RYR3: variants seen among roughly 807,000 people sequenced by gnomAD.
RYR3 encodes brain ryanodine receptor-calcium release channel.
In RYR3, 207 loss-of-function variants were observed where a neutral mutation model predicts 584.3. That is an observed-to-expected ratio of 0.35 (90% CI 0.32 to 0.40). The LOEUF (loss-of-function observed/expected upper bound fraction) is 0.40. Among genes scored for constraint, RYR3 ranks in the 10% least tolerant of loss-of-function variants. The pLI, the probability that RYR3 is intolerant of heterozygous loss-of-function variation, is 1.00. For synonymous variants in RYR3, 2,416 were observed against 2,248.5 expected (o/e 1.07, Z -2.11); for missense variants, 5,616 against 6,089.2 (o/e 0.92, Z 2.59).
chr15:33,428,676 A>C (rs746972202), intron 1 of RYR3, among the ~76,000 whole-genome samples: 1 of 152,100 alleles, frequency 6.6e-6, no homozygotes, highest in African/African-American at 2.4e-5. Flanking sequence ...AGATTACTTG[A>C]TTCCTTATTT....
chr15:33,677,244 G>A (rs982126359), intron 38 of RYR3, among the ~76,000 whole-genome samples: 1 of 152,212 alleles, frequency 6.6e-6, no homozygotes, highest in Non-Finnish European at 1.5e-5. Flanking sequence ...GAGGGGGATA[G>A]GGAAGCATGG....
intron 59 of RYR3, 86 bp downstream of exon 59, chr15:33,756,459 A>G (rs1005124001): frequency 2.1e-6 from 2 of 954,482 alleles, no homozygotes; most frequent in East Asian, 2.6e-5. Flanking sequence ...CAGTGAAGAT[A>G]TCTAAAACTC....
At chr15:33,592,110 G>A (rs1222717499) in intron 16 of RYR3, among the ~76,000 whole-genome samples, 3 of 152,156 alleles carry the variant, frequency 2.0e-5, no homozygotes, top group Non-Finnish European at 4.4e-5. Context: ...CCCACAAATG[G>A]GCCATTGATT....
At chr15:33,819,216 C>G (rs753933664) in intron 76 of RYR3, among the ~76,000 whole-genome samples, 3 of 152,240 alleles carry the variant, frequency 2.0e-5, no homozygotes, top group Non-Finnish European at 4.4e-5. Flanking sequence ...CAGCCTAAAA[C>G]TATAAACTTC....
At chr15:33,488,999 A>G (rs2050737530) in intron 2 of RYR3, among the ~76,000 whole-genome samples, 1 of 152,190 alleles carries the variant, frequency 6.6e-6, no homozygotes, top group Non-Finnish European at 1.5e-5. Context: ...CATGCTCATA[A>G]TTCACAAATC....
chr15:33,833,605 C>T (rs1253841644), intron 86 of RYR3, among the ~76,000 whole-genome samples: 1 of 152,218 alleles, frequency 6.6e-6, no homozygotes, highest in Admixed American at 6.5e-5. Flanking sequence ...CTGATTTGAT[C>T]TCTGCAAAAT....
chr15:33,805,694 G>A (rs989562596), intron 69 of RYR3, among the ~76,000 whole-genome samples: 3 of 151,458 alleles, frequency 2.0e-5, no homozygotes, highest in Non-Finnish European at 4.4e-5. Context: ...AGCCAGGATG[G>A]TCTCGATCTC....
At chr15:33,376,993 T>C (rs1032906155) in intron 1 of RYR3, among the ~76,000 whole-genome samples, 1 of 152,222 alleles carries the variant, frequency 6.6e-6, no homozygotes, top group African/African-American at 2.4e-5. Context: ...TCTATCCTTA[T>C]ATGAGGCAAT....
At chr15:33,811,836 T>C (rs2076567452) in intron 72 of RYR3, among the ~76,000 whole-genome samples, 2 of 152,074 alleles carry the variant, frequency 1.3e-5, no homozygotes, top group East Asian at 1.9e-4. Context: ...TAAAAAAATA[T>C]AATTTTCATG....
At chr15:33,539,571 TACATA>T (rs2055633024) in intron 6 of RYR3, 109 bp downstream of exon 6, 2 of 670,380 alleles carry the variant, frequency 3.0e-6, no homozygotes, top group South Asian at 3.5e-5. Flanking sequence ...AAGATGCTTT[TACATA>T]TATAGAGTTG....
intron 11 of RYR3, 30 bp downstream of exon 11, chr15:33,563,040 T>A (rs1377367760): frequency 6.3e-7 from 1 of 1,575,648 alleles, no homozygotes; most frequent in Non-Finnish European, 8.6e-7. Context: ...TCTACAATTG[T>A]TTTACCCTGA....
intron 1 of RYR3, among the ~76,000 whole-genome samples, chr15:33,466,542 A>G (rs1377653171): frequency 6.6e-6 from 1 of 152,240 alleles, no homozygotes; most frequent in Non-Finnish European, 1.5e-5. Context: ...AAGTTGTAAC[A>G]ACAAAACTTC....
chr15:33,402,485 C>T (rs1199678605), intron 1 of RYR3, among the ~76,000 whole-genome samples: 2 of 152,238 alleles, frequency 1.3e-5, no homozygotes, highest in African/African-American at 2.4e-5. Context: ...GTTTCTGTCA[C>T]ACTTCTCATG....
intron 1 of RYR3, among the ~76,000 whole-genome samples, chr15:33,415,666 A>C (rs2043752344): frequency 6.6e-6 from 1 of 152,160 alleles, no homozygotes; most frequent in African/African-American, 2.4e-5. Flanking sequence ...TTTGAACTAG[A>C]CTCAATTTTA....
At chr15:33,648,077 C>T (rs1214079080) in intron 30 of RYR3, among the ~76,000 whole-genome samples, 1 of 148,184 alleles carries the variant, frequency 6.7e-6, no homozygotes, top group Non-Finnish European at 1.5e-5. Flanking sequence ...TGTAGGTTAA[C>T]TCTCATCAGG....
At chr15:33,786,022 A>G in intron 66 of RYR3, 40 bp downstream of exon 66, 7 of 1,428,278 alleles carry the variant, frequency 4.9e-6, no homozygotes, top group East Asian at 2.3e-5. Flanking sequence ...CCCAGGGGCC[A>G]AGATAACTGG....
At chr15:33,615,660 G>A (rs1025805187) in intron 19 of RYR3, among the ~76,000 whole-genome samples, 4 of 152,180 alleles carry the variant, frequency 2.6e-5, no homozygotes, top group Non-Finnish European at 4.4e-5. Context: ...CTATCTGCAG[G>A]CACTGTGTTC....
intron 60 of RYR3, among the ~76,000 whole-genome samples, chr15:33,763,959 G>T (rs2152873736): frequency 6.7e-6 from 1 of 148,582 alleles, no homozygotes; most frequent in Non-Finnish European, 1.5e-5. Context: ...GGAGAAATAG[G>T]AATGCTTTTA....
intron 16 of RYR3, among the ~76,000 whole-genome samples, chr15:33,595,208 A>C (rs868368746): frequency 1.3e-5 from 2 of 152,250 alleles, no homozygotes; most frequent in African/African-American, 2.4e-5. Context: ...CAAGCATTTC[A>C]AAAAGTGAAA....
Sources: gnomAD v4.1 joint callset for allele counts (sites outside exome capture counted in the v4.1 genomes callset) on GRCh38, gnomAD v4.1.1 for gene constraint, MANE v1.5 for transcripts, NCBI Gene and HGNC (gene_info 2026-07-23, HGNC 2026-07-21) for gene names.